Variants in CFAP47 observed in about 807,000 individuals in gnomAD.
The protein encoded by CFAP47 is cilia and flagella associated protein 47.
CFAP47 carries 29 observed loss-of-function variants against 148.1 expected under a neutral mutation model. That is an observed-to-expected ratio of 0.20 (90% confidence interval 0.15 to 0.27). CFAP47 has a LOEUF of 0.27. Ranked by LOEUF, CFAP47 falls within the 10% of genes least tolerant of loss-of-function variation. The probability of loss-of-function intolerance (pLI) is 1.00; values close to 1 mark genes in which losing one functional copy is unlikely to be tolerated. For missense variants in CFAP47, 1,872 were observed against 1,697.5 expected, an observed-to-expected ratio of 1.10 and a Z score of -1.81; for synonymous variants, 664 against 577.3, an observed-to-expected ratio of 1.15 and a Z score of -2.15.
At chrX:36,103,275 G>A (rs1437968583) in intron 32 of CFAP47, among the ~76,000 whole-genome samples, 7 of 108,354 alleles carry the variant, frequency 6.5e-5, no homozygotes, top group African/African-American at 2.3e-4. Flanking sequence ...TAACAGTTGT[G>A]GTTTCAATCA....
At chrX:36,297,269 A>T (rs1331370778) in intron 51 of CFAP47, among the ~76,000 whole-genome samples, 1 of 111,932 alleles carries the variant, frequency 8.9e-6, no homozygotes, top group Non-Finnish European at 1.9e-5. Context: ...ATTCTGAGCT[A>T]TGTCCTCTGA....
chrX:36,254,579 G>A (rs993333055), intron 49 of CFAP47, among the ~76,000 whole-genome samples: 2 of 111,178 alleles, frequency 1.8e-5, no homozygotes, highest in African/African-American at 6.5e-5. Flanking sequence ...AAGGTAATCA[G>A]TTCTGTGTAC....
At chrX:36,112,497 T>C (rs983334718) in intron 33 of CFAP47, among the ~76,000 whole-genome samples, 2 of 111,781 alleles carry the variant, frequency 1.8e-5, no homozygotes, top group Non-Finnish European at 3.8e-5. Flanking sequence ...ATTTTGCACT[T>C]GCTGAAGCGT....
intron 13 of CFAP47, 56 bp downstream of exon 13, chrX:35,972,021 C>A (rs1359156362): frequency 2.6e-6 from 2 of 756,824 alleles, no homozygotes; most frequent in East Asian, 3.5e-5. Flanking sequence ...AAAAAGATTT[C>A]TTAAAGTGTA....
rs1015791533 is a variant in CFAP47, at chrX:36,149,365, A to G, written c.5786+142A>G. 36 of 258,513 alleles carry G rather than the reference A, an allele frequency of 1.4e-4. No homozygotes were observed. The Admixed American group carries it at 2.0e-3, about 14-fold the overall frequency. 21.3% of individuals were successfully genotyped at this position (258,513 alleles called of 1,213,427 possible). On this transcript the variant is annotated intron_variant, in intron 37 of 63. Coordinates refer to ENST00000378653, the MANE Select transcript of CFAP47 (RefSeq NM_001304548.2). ...CACTCACAGTCAGACAAATATTCGT[A>G]TGTTTCTACAATTCCTCACCAAAGT...
intron 32 of CFAP47, among the ~76,000 whole-genome samples, chrX:36,104,113 T>C (rs769574761): frequency 8.9e-6 from 1 of 112,009 alleles, no homozygotes; most frequent in African/African-American, 3.2e-5. Context: ...TGTTAACTTA[T>C]TTACTTTTAC....
intron 15 of CFAP47, among the ~76,000 whole-genome samples, chrX:35,978,335 A>G (rs1221353796): frequency 1.8e-5 from 2 of 112,034 alleles, no homozygotes; most frequent in African/African-American, 6.5e-5. Context: ...TGCTATGGAA[A>G]TGCAATGATG....
intron 16 of CFAP47, among the ~76,000 whole-genome samples, chrX:35,991,501 T>C (rs1467302515): frequency 2.7e-5 from 3 of 110,106 alleles, no homozygotes; most frequent in Middle Eastern, 4.4e-3. Flanking sequence ...CTAAATAAAA[T>C]ATCTCCTGTG....
intron 15 of CFAP47, among the ~76,000 whole-genome samples, chrX:35,983,898 A>G (rs1287118196): frequency 8.9e-6 from 1 of 111,828 alleles, no homozygotes; most frequent in African/African-American, 3.3e-5. Flanking sequence ...ATTTATGTCC[A>G]TCAAGGATAT....
intron 40 of CFAP47, among the ~76,000 whole-genome samples, chrX:36,182,762 TA>T (rs1169600734): frequency 9.2e-6 from 1 of 109,201 alleles, no homozygotes; most frequent in Non-Finnish European, 1.9e-5. Context: ...AAAATGTTTT[TA>T]AAAAAACTCC....
At chrX:35,979,124 A>C (rs1936608236) in intron 15 of CFAP47, among the ~76,000 whole-genome samples, 1 of 110,870 alleles carries the variant, frequency 9.0e-6, no homozygotes, top group Non-Finnish European at 1.9e-5. Context: ...GATTATAGGC[A>C]TGTGCCACTA....
Position 36,098,777 on chromosome X carries a change from TC to T in CFAP47, c.4917-15del. ...TATATTATATTATAATTTGAGTTTT[TC>T]TTTTTTAATTTTAGTGCTCAAGGAG... On this transcript the variant is annotated splice_polypyrimidine_tract_variant and intron_variant, in intron 30 of 63. Transcript: ENST00000378653. The T allele has an allele frequency of 1.9e-6, 2 of 1,077,940 alleles. No individual in the cohort carries two copies. Among genetic ancestry groups the T allele is most frequent in the Non-Finnish European group, 2.5e-6 (2 of 791,948 alleles). The allele number at this position is 1,077,940 out of a possible 1,213,427, so 88.8% of individuals were successfully genotyped here. A position where few individuals can be genotyped will look rare whatever the true frequency, so the allele number is the denominator to read the frequency against.
intron 2 of CFAP47, among the ~76,000 whole-genome samples, chrX:35,935,369 G>T (rs7056561): frequency 9.0e-6 from 1 of 110,559 alleles, no homozygotes; most frequent in Admixed American, 9.6e-5. Context: ...TCAATGCAGT[G>T]ACTCACAATT....
At chrX:36,339,346 T>C (rs1392214292) in intron 57 of CFAP47, among the ~76,000 whole-genome samples, 1 of 111,508 alleles carries the variant, frequency 9.0e-6, no homozygotes, top group Non-Finnish European at 1.9e-5. Flanking sequence ...GACATGATGA[T>C]TGATCAATAA....
At chrX:36,239,930 G>A (rs1040800638) in intron 48 of CFAP47, among the ~76,000 whole-genome samples, 22 of 111,741 alleles carry the variant, frequency 2.0e-4, no homozygotes, top group African/African-American at 7.1e-4. Context: ...AGTACTCCTT[G>A]TCAAAGGATA....
chrX:36,133,770 A>C (rs763324346), intron 33 of CFAP47, among the ~76,000 whole-genome samples: 2 of 107,779 alleles, frequency 1.9e-5, no homozygotes, highest in South Asian at 4.1e-4. Flanking sequence ...TGTCCCCCAA[A>C]GGGCTCTGGT....
chrX:36,019,486 G>T (rs576017666), intron 22 of CFAP47, among the ~76,000 whole-genome samples: 2 of 111,766 alleles, frequency 1.8e-5, no homozygotes, highest in African/African-American at 6.5e-5. Flanking sequence ...ACATTCCTTT[G>T]TATTTGCACC....
At chrX:36,214,946 G>A (rs143807365) in intron 45 of CFAP47, among the ~76,000 whole-genome samples, 4 of 111,654 alleles carry the variant, frequency 3.6e-5, no homozygotes, top group African/African-American at 1.3e-4. Flanking sequence ...AACAACACAG[G>A]CTGGTAATTA....
chrX:36,098,048 T>G (rs1192778692), intron 30 of CFAP47, among the ~76,000 whole-genome samples: 4 of 111,901 alleles, frequency 3.6e-5, no homozygotes, highest in African/African-American at 9.7e-5. Flanking sequence ...ATAGCCTGTC[T>G]TCAAGCTCAC....
Sources: gnomAD v4.1 joint callset for allele counts (sites outside exome capture counted in the v4.1 genomes callset) on GRCh38, gnomAD v4.1.1 for gene constraint, MANE v1.5 for transcripts, NCBI Gene and HGNC (gene_info 2026-07-23, HGNC 2026-07-21) for gene names.